The following SNTG2 variants were observed in gnomAD, a reference collection of about 807,000 sequenced individuals.
SNTG2 encodes syntrophin gamma 2.
Under a neutral mutation model 70.9 loss-of-function variants are expected in SNTG2, and 74 were observed. That is an observed-to-expected ratio of 1.04 (90% confidence interval 0.86 to 1.27). The LOEUF (loss-of-function observed/expected upper bound fraction) is 1.27, where lower values mean the gene tolerates loss of function less well. Ranked by LOEUF, SNTG2 falls within the 50% of genes most tolerant of loss-of-function variation. SNTG2 has a pLI of 0.00. For synonymous variants in SNTG2, 278 were observed against 273.8 expected (o/e 1.02, Z -0.15); for missense variants, 717 against 690.7 (o/e 1.04, Z -0.43).
chr2:960,797 C>A (rs1446979252), intron 1 of SNTG2, among the ~76,000 whole-genome samples: 1 of 150,250 alleles, frequency 6.7e-6, no homozygotes, highest in African/African-American at 2.5e-5. Context: ...GAAGGGGGTG[C>A]TCCTAATGCC....
At chr2:1,009,878 C>G (rs746467556) in intron 1 of SNTG2, among the ~76,000 whole-genome samples, 6 of 152,172 alleles carry the variant, frequency 3.9e-5, no homozygotes, top group Admixed American at 1.3e-4. Flanking sequence ...TCTCTCTTCT[C>G]ATCCTTTCAT....
intron 1 of SNTG2, among the ~76,000 whole-genome samples, chr2:1,042,535 CAA>C (rs953075362): frequency 6.6e-6 from 1 of 152,166 alleles, no homozygotes; most frequent in African/African-American, 2.4e-5. Flanking sequence ...TCTCCACCCT[CAA>C]GTAAGACCCA....
chr2:954,726 C>G (rs1660089589), intron 1 of SNTG2, among the ~76,000 whole-genome samples: 1 of 152,202 alleles, frequency 6.6e-6, no homozygotes, highest in African/African-American at 2.4e-5. Context: ...CATCCCCTGC[C>G]CCTCTGAACA....
chr2:1,139,783 G>A (rs547003503), intron 6 of SNTG2, among the ~76,000 whole-genome samples: 6 of 137,572 alleles, frequency 4.4e-5, no homozygotes, highest in African/African-American at 1.4e-4. Context: ...AGCTATTATG[G>A]CTCCCTACAC....
At chr2:1,030,724 A>T (rs991780621) in intron 1 of SNTG2, among the ~76,000 whole-genome samples, 1 of 152,234 alleles carries the variant, frequency 6.6e-6, no homozygotes, top group South Asian at 2.1e-4. Flanking sequence ...TGTTGGCAAC[A>T]TGTTATGTGT....
intron 16 of SNTG2, among the ~76,000 whole-genome samples, chr2:1,362,815 T>C (rs1272073740): frequency 1.5e-5 from 2 of 135,740 alleles, no homozygotes; most frequent in African/African-American, 2.8e-5. Flanking sequence ...AAGTCACCGA[T>C]GCTGAGCATT....
chr2:1,037,014 G>T (rs1200272321), intron 1 of SNTG2, among the ~76,000 whole-genome samples: 2 of 152,218 alleles, frequency 1.3e-5, no homozygotes, highest in African/African-American at 4.8e-5. Context: ...GCTCCCAGGG[G>T]CACCCGTGCC....
At chr2:1,148,558 A>G (rs1359820997) in intron 6 of SNTG2, among the ~76,000 whole-genome samples, 2 of 152,144 alleles carry the variant, frequency 1.3e-5, no homozygotes, top group South Asian at 4.1e-4. Flanking sequence ...CCAGCTTGCT[A>G]TTGCCCTCAC....
At position 1,171,700 on chromosome 2, in the gene SNTG2, A is replaced by G. The variant is rs28515189; in HGVS notation, c.500-1392A>G. Among the ~76,000 whole-genome samples, 1,485 of 152,282 alleles carry G rather than the reference A, an allele frequency of 9.8e-3. 22 individuals carry two copies. The highest frequency in any genetic ancestry group is 0.033 in the African/African-American group (1,363 of 41,556). Reference sequence around the variant, plus strand: ...ACCCTTTAAAAGTTAAGCAATTCTTATTTCCCCCAGAGTTCTCCAAGTTTC... The same window carrying G: ...ACCCTTTAAAAGTTAAGCAATTCTTGTTTCCCCCAGAGTTCTCCAAGTTTC... On this transcript the variant is annotated intron_variant, in intron 7 of 16. Coordinates refer to ENST00000308624, the MANE Select transcript of SNTG2 (RefSeq NM_018968.4).
Position 1,367,445 on chromosome 2 carries a change from C to T in SNTG2, c.1591C>T (p.Leu531Phe). The T allele has an allele frequency of 6.4e-7, 1 of 1,551,638 alleles. No homozygotes were observed. The highest frequency in any genetic ancestry group is 8.7e-7 in the Non-Finnish European group (1 of 1,147,004). Reference protein sequence around the residue: ...VDPGFMDSQSLARKYMYSS With the variant: ...VDPGFMDSQSFARKYMYSS ...CCCCGGCTTCATGGACAGTCAGAGT[C>T]TTGCCAGAAAATACATGTACAGCAG... Residue 531 changes from leucine (L) to phenylalanine (F), a missense_variant, in exon 17 of 17, where the codon CTT becomes TTT. By Grantham distance (22) the Leu-to-Phe change is conservative (BLOSUM62 0). Coordinates refer to ENST00000308624, the MANE Select transcript of SNTG2 (RefSeq NM_018968.4).
At chr2:1,104,829 G>A (rs551423374) in intron 4 of SNTG2, among the ~76,000 whole-genome samples, 74 of 152,250 alleles carry the variant, frequency 4.9e-4, no homozygotes, top group African/African-American at 1.6e-3. Context: ...CCGTCCTCCC[G>A]TGGCACCATC....
chr2:967,149 C>G (rs533763593), intron 1 of SNTG2, among the ~76,000 whole-genome samples: 1 of 152,294 alleles, frequency 6.6e-6, no homozygotes, highest in East Asian at 1.9e-4. Context: ...AGACCAGGGA[C>G]AGGAGTGCAG....
At chr2:967,393 T>C (rs368189970) in intron 1 of SNTG2, among the ~76,000 whole-genome samples, 51,405 of 152,002 alleles carry the variant, frequency 0.34, 9,365 homozygotes, top group Middle Eastern at 0.46. Context: ...GAAGTTCCCT[T>C]CTCTTAGTTT....
chr2:1,187,763 T>G (rs1049078276), intron 8 of SNTG2, among the ~76,000 whole-genome samples: 1 of 152,172 alleles, frequency 6.6e-6, no homozygotes, highest in Non-Finnish European at 1.5e-5. Context: ...GACAGCAGAT[T>G]TCTCAACAAC....
chr2:1,198,054 T>C (rs1673039137), intron 8 of SNTG2, among the ~76,000 whole-genome samples: 1 of 152,132 alleles, frequency 6.6e-6, no homozygotes, highest in Admixed American at 6.5e-5. Flanking sequence ...ATACACATTG[T>C]TCTCATCAGC....
chr2:1,106,473 C>G (rs374022721), intron 4 of SNTG2, among the ~76,000 whole-genome samples: 29 of 94,318 alleles, frequency 3.1e-4, no homozygotes, highest in South Asian at 1.2e-3. Flanking sequence ...ATGGAGAGCT[C>G]CTTGGTAAGA....
At chr2:1,262,747 C>CGGT (rs1678501198) in intron 13 of SNTG2, 1 of 151,260 alleles carries the variant, frequency 6.6e-6, no homozygotes, top group African/African-American at 2.4e-5. Context: ...CCGGAAGGCT[C>CGGT]CGTGCAGACG....
chr2:1,229,844 G>A (rs1383328219), intron 9 of SNTG2, among the ~76,000 whole-genome samples: 1 of 152,252 alleles, frequency 6.6e-6, no homozygotes, highest in Non-Finnish European at 1.5e-5. Flanking sequence ...TGGCCCGGGT[G>A]CTAAGTCCCT....
chr2:1,083,452 C>G, intron 1 of SNTG2, 66 bp from the exon 2 acceptor site: 1 of 1,580,728 alleles, frequency 6.3e-7, no homozygotes, highest in Non-Finnish European at 8.7e-7. Context: ...AGGCGTGCGT[C>G]ACCTATCCCC....
Sources: allele counts gnomAD v4.1 joint callset (sites outside exome capture counted in the v4.1 genomes callset), GRCh38; gene constraint gnomAD v4.1.1; transcripts MANE v1.5; gene names NCBI Gene and HGNC (gene_info 2026-07-23, HGNC 2026-07-21).